The following MAGI2 variants were observed in gnomAD, a reference collection of about 807,000 sequenced individuals.
MAGI2 encodes membrane-associated guanylate kinase, WW and PDZ domain-containing protein 2.
A neutral mutation model predicts 133.3 loss-of-function variants in MAGI2; 35 were observed. That is an observed-to-expected ratio of 0.26 (90% CI 0.20 to 0.35). The LOEUF (loss-of-function observed/expected upper bound fraction) is 0.35. Among genes scored for constraint, MAGI2 ranks in the 10% least tolerant of loss-of-function variants. The probability of loss-of-function intolerance (pLI) is 1.00; values close to 1 mark genes in which losing one functional copy is unlikely to be tolerated. For missense variants in MAGI2, 1,636 were observed against 1,863.4 expected (o/e 0.88, Z 2.25); for synonymous variants, 729 against 710.6 (o/e 1.03, Z -0.41).
intron 2 of MAGI2, among the ~76,000 whole-genome samples, chr7:78,801,747 T>C (rs1788073980): frequency 6.6e-6 from 1 of 152,168 alleles, no homozygotes; most frequent in South Asian, 2.1e-4. Flanking sequence ...TTACCATATA[T>C]CAAGCACTTT....
chr7:78,385,906 T>A (rs1795341947), intron 6 of MAGI2, among the ~76,000 whole-genome samples: 1 of 152,192 alleles, frequency 6.6e-6, no homozygotes, highest in Admixed American at 6.5e-5. Context: ...TATATGAGCA[T>A]CCACTTCAAA....
intron 21 of MAGI2, among the ~76,000 whole-genome samples, chr7:78,033,881 A>T (rs1809877862): frequency 6.6e-6 from 1 of 152,122 alleles, no homozygotes; most frequent in African/African-American, 2.4e-5. Flanking sequence ...CCAACCAAGG[A>T]GTGGGACCCT....
chr7:79,227,930 G>A lies in MAGI2; in HGVS notation c.302-220724C>T, dbSNP rs1464037342. On this transcript the variant is annotated intron_variant, in intron 1 of 21. Coordinates refer to ENST00000354212, the MANE Select transcript of MAGI2 (RefSeq NM_012301.4). ...AATGCTGCTTAATTCTCTATGAAAT[G>A]ATATCATATTTAAAAGTGTTGGCAC... is the stretch of plus-strand genomic sequence containing the variant. 2.6e-5 allele frequency among the ~76,000 whole-genome samples: 4 copies of A among 152,208 alleles called. No homozygotes were observed. In the South Asian group the frequency reaches 8.3e-4, roughly 32 times the overall value.
chr7:79,222,061 G>C (rs554661096), intron 1 of MAGI2, among the ~76,000 whole-genome samples: 1 of 152,108 alleles, frequency 6.6e-6, no homozygotes, highest in Non-Finnish European at 1.5e-5. Flanking sequence ...CCAAGTGTTC[G>C]ATGGGAAAAT....
intron 6 of MAGI2, among the ~76,000 whole-genome samples, chr7:78,409,314 C>T (rs1797660336): frequency 6.6e-6 from 1 of 151,968 alleles, no homozygotes; most frequent in Non-Finnish European, 1.5e-5. Context: ...AAATAGATGC[C>T]TGAAAGAATG....
chr7:78,411,831 C>A (rs1797898758), intron 6 of MAGI2, among the ~76,000 whole-genome samples: 1 of 151,952 alleles, frequency 6.6e-6, no homozygotes, highest in Non-Finnish European at 1.5e-5. Context: ...TGATTCTTGA[C>A]TTCATTTAAA....
chr7:79,126,050 T>C (rs1031184387), intron 1 of MAGI2, among the ~76,000 whole-genome samples: 10 of 152,252 alleles, frequency 6.6e-5, no homozygotes, highest in Non-Finnish European at 1.5e-4. Context: ...GTGAAAAGTG[T>C]AAAGCATTCC....
chr7:79,045,306 T>C (rs1371491175), intron 1 of MAGI2, among the ~76,000 whole-genome samples: 1 of 152,220 alleles, frequency 6.6e-6, no homozygotes, highest in Non-Finnish European at 1.5e-5. Context: ...TACATGTGTA[T>C]ATACACACGT....
rs1022009769 is a variant in MAGI2, at chr7:78,678,071, G to C, written c.419-50832C>G. ...GAACTGATCTAATGAAGCTTAGGGA[G>C]GCAGTACCGATCAGAGAGAGAATGC... On this transcript the variant is annotated intron_variant, in intron 2 of 21. Coordinates refer to ENST00000354212, the MANE Select transcript of MAGI2 (RefSeq NM_012301.4). Among the ~76,000 whole-genome samples the C allele has an allele frequency of 4.6e-5, 7 of 152,232 alleles. No homozygotes were observed. In the East Asian group the frequency reaches 1.4e-3, roughly 29 times the overall value.
At chr7:78,878,430 A>G (rs1365736167) in intron 2 of MAGI2, among the ~76,000 whole-genome samples, 1 of 152,186 alleles carries the variant, frequency 6.6e-6, no homozygotes, top group African/African-American at 2.4e-5. Context: ...TATATCCCTA[A>G]TGTGTTTCTC....
chr7:79,373,126 C>A (rs1843159082), intron 1 of MAGI2, among the ~76,000 whole-genome samples: 1 of 151,870 alleles, frequency 6.6e-6, no homozygotes, highest in Non-Finnish European at 1.5e-5. Flanking sequence ...CTTAAAAAAT[C>A]CTATCTGGAA....
chr7:79,182,102 C>T (rs971286560), intron 1 of MAGI2, among the ~76,000 whole-genome samples: 1 of 152,036 alleles, frequency 6.6e-6, no homozygotes, highest in Non-Finnish European at 1.5e-5. Context: ...CCAAACTGTT[C>T]CAATCTCTGC....
intron 3 of MAGI2, among the ~76,000 whole-genome samples, chr7:78,612,895 C>T (rs1015022453): frequency 2.6e-5 from 4 of 152,242 alleles, no homozygotes; most frequent in Non-Finnish European, 4.4e-5. Flanking sequence ...TGGTCTCGAT[C>T]TCCTGACCTC....
At chr7:79,112,106 C>T (rs928326264) in intron 1 of MAGI2, among the ~76,000 whole-genome samples, 2 of 151,892 alleles carry the variant, frequency 1.3e-5, no homozygotes, top group African/African-American at 4.8e-5. Flanking sequence ...TCTATGATTA[C>T]AGATTGTAGT....
intron 21 of MAGI2, among the ~76,000 whole-genome samples, chr7:78,033,282 G>C (rs1354837341): frequency 2.6e-5 from 4 of 152,062 alleles, no homozygotes; most frequent in Admixed American, 2.0e-4. Context: ...GAAAACACCA[G>C]TCTGGGCAAC....
intron 6 of MAGI2, among the ~76,000 whole-genome samples, chr7:78,480,016 A>C (rs1303450255): frequency 6.6e-6 from 1 of 151,976 alleles, no homozygotes; most frequent in East Asian, 1.9e-4. Flanking sequence ...CAGAACAATG[A>C]AATTAAAGAC....
At chr7:79,048,813 A>C (rs1426146061) in intron 1 of MAGI2, among the ~76,000 whole-genome samples, 1 of 152,136 alleles carries the variant, frequency 6.6e-6, no homozygotes, top group African/African-American at 2.4e-5. Flanking sequence ...ATCTCTACTA[A>C]AAATACAAAA....
chr7:78,907,895 CTATT>C (rs751442127), intron 2 of MAGI2, among the ~76,000 whole-genome samples: 1 of 152,066 alleles, frequency 6.6e-6, no homozygotes, highest in Non-Finnish European at 1.5e-5. Context: ...ATATATTTAA[CTATT>C]TAAAGCACTG....
chr7:78,167,976 G>T lies in MAGI2; in HGVS notation c.2536C>A (p.His846Asn), dbSNP rs770493196. The change falls in exon 15 of 22, where the codon CAC (histidine) becomes AAC (asparagine). Residue 846 changes from histidine to asparagine, a missense_variant. This residue lies in a region of MAGI2 where 920 missense variants were observed against 1,093.5 expected (regional missense o/e 0.84). Coordinates refer to ENST00000354212, the MANE Select transcript of MAGI2 (RefSeq NM_012301.4). ...KTHRYVIDLM[H>N]HAARNGQVNL... Reference sequence around the variant, plus strand: ...ACCTGCCCATTGCGGGCTGCGTGGTGCATGAGGTCGATGACATAGCGGTGG... The same window carrying T: ...ACCTGCCCATTGCGGGCTGCGTGGTTCATGAGGTCGATGACATAGCGGTGG... 1.9e-6 allele frequency: 3 copies of T among 1,614,144 alleles called. No individual in the cohort carries two copies. Among genetic ancestry groups the T allele is most frequent in the East Asian group, 2.2e-5 (1 of 44,864 alleles).
Sources: allele counts gnomAD v4.1 joint callset (sites outside exome capture counted in the v4.1 genomes callset), GRCh38; gene constraint gnomAD v4.1.1; regional missense constraint gnomAD v4.1.1; transcripts MANE v1.5; gene names NCBI Gene and HGNC (gene_info 2026-07-23, HGNC 2026-07-21).